The following ROR2 variants were observed in gnomAD, a reference collection of about 807,000 sequenced individuals.
The protein encoded by ROR2 is tyrosine-protein kinase transmembrane receptor ROR2.
ROR2 carries 33 observed loss-of-function variants against 74.9 expected under a neutral mutation model. The ratio of observed to expected loss-of-function variants is 0.44; its 90% CI spans 0.33 to 0.59. ROR2 has a LOEUF of 0.59. Among genes scored for constraint, ROR2 ranks in the 20% least tolerant of loss-of-function variants. The pLI is 0.02. For synonymous variants in ROR2, 586 were observed against 558.7 expected (o/e 1.05, Z -0.69); for missense variants, 1,216 against 1,313.8 (o/e 0.93, Z 1.15).
intron 1 of ROR2, among the ~76,000 whole-genome samples, chr9:91,838,694 G>A (rs1446634645): frequency 6.8e-6 from 1 of 147,530 alleles, no homozygotes; most frequent in African/African-American, 2.5e-5. Context: ...GCCGGCGCAG[G>A]AGACCCCGCT....
At chr9:91,876,183 G>A (rs1038288081) in intron 1 of ROR2, among the ~76,000 whole-genome samples, 1 of 152,120 alleles carries the variant, frequency 6.6e-6, no homozygotes, top group African/African-American at 2.4e-5. Context: ...GGCCAGCTTG[G>A]CCAACATGGT....
rs569451557 is a variant in ROR2, at chr9:91,948,831, G to C, written c.97+1036C>G. 4.2e-5 allele frequency: 41 copies of C among 985,474 alleles called. No homozygotes were observed. In the South Asian group the frequency reaches 1.7e-3, roughly 42 times the overall value. The allele number at this position is 985,474 out of a possible 1,614,324, so 61.0% of individuals were successfully genotyped here. ...GGTCTCTGGCGCTCCTGGGCCTGAA[G>C]GCCCCGCCCGCCCTCCTCCACCCCC... On this transcript the variant is annotated intron_variant, in intron 1 of 8. Transcript: ENST00000375708.
rs917129953 is a variant in ROR2, at chr9:91,914,440, G to A, written c.97+35427C>T. ...TGAAAGAAAACTCTTGACCATAAAG[G>A]AATCTTCCCTTAACAAGAGAGCTGC... On this transcript the variant is annotated intron_variant, in intron 1 of 8. Transcript: ENST00000375708. 2.6e-5 allele frequency among the ~76,000 whole-genome samples: 4 copies of A among 152,138 alleles called. No homozygotes were observed. The South Asian group carries it at 6.2e-4, about 24-fold the overall frequency.
At chr9:91,917,201 C>T (rs1587845262) in intron 1 of ROR2, among the ~76,000 whole-genome samples, 1 of 152,192 alleles carries the variant, frequency 6.6e-6, no homozygotes, top group East Asian at 1.9e-4. Context: ...TTCAAACAGA[C>T]TCTCTGTTCT....
chr9:91,728,554 C>T (rs1347609479), intron 7 of ROR2, among the ~76,000 whole-genome samples: 1 of 152,176 alleles, frequency 6.6e-6, no homozygotes, highest in Admixed American at 6.5e-5. Flanking sequence ...CCTTAGCCTC[C>T]CGACTAGCTG....
At chr9:91,937,684 C>A (rs1831738237) in intron 1 of ROR2, among the ~76,000 whole-genome samples, 1 of 152,146 alleles carries the variant, frequency 6.6e-6, no homozygotes, top group Non-Finnish European at 1.5e-5. Context: ...AAGTGATCAC[C>A]AGCACAGGAG....
intron 1 of ROR2, among the ~76,000 whole-genome samples, chr9:91,841,981 G>A (rs1429060446): frequency 6.6e-6 from 1 of 152,204 alleles, no homozygotes; most frequent in Non-Finnish European, 1.5e-5. Flanking sequence ...TCAGGGCGGG[G>A]AAGGATGTGG....
At chr9:91,941,248 C>T (rs1831857240) in intron 1 of ROR2, among the ~76,000 whole-genome samples, 1 of 152,190 alleles carries the variant, frequency 6.6e-6, no homozygotes. Context: ...CCCCCCGCCT[C>T]AGCCTCCAGA....
chr9:91,734,674 C>T (rs773978527), intron 5 of ROR2, among the ~76,000 whole-genome samples: 3 of 152,124 alleles, frequency 2.0e-5, no homozygotes, highest in African/African-American at 7.2e-5. Context: ...CATGCCTTTC[C>T]GGGCCTGTTT....
At chr9:91,741,970 C>T (rs1217857381) in intron 4 of ROR2, among the ~76,000 whole-genome samples, 1 of 152,120 alleles carries the variant, frequency 6.6e-6, no homozygotes, top group Non-Finnish European at 1.5e-5. Context: ...GAAACAAACA[C>T]AAAGATAACC....
intron 1 of ROR2, among the ~76,000 whole-genome samples, chr9:91,852,418 TC>T (rs1364440617): frequency 6.6e-6 from 1 of 152,232 alleles, no homozygotes. Flanking sequence ...GAGACCAGCT[TC>T]ATCTTTCATG....
At chr9:91,888,279 A>T (rs1424425603) in intron 1 of ROR2, among the ~76,000 whole-genome samples, 1 of 152,018 alleles carries the variant, frequency 6.6e-6, no homozygotes, top group Non-Finnish European at 1.5e-5. Flanking sequence ...TATTTTTGAG[A>T]TCCATTTATT....
intron 8 of ROR2, among the ~76,000 whole-genome samples, chr9:91,725,554 C>T (rs1417210200): frequency 6.6e-6 from 1 of 152,188 alleles, no homozygotes; most frequent in Non-Finnish European, 1.5e-5. Flanking sequence ...CTCATGGACC[C>T]CACAGAGGCT....
intron 1 of ROR2, among the ~76,000 whole-genome samples, chr9:91,833,957 C>T (rs1039214634): frequency 2.0e-5 from 3 of 152,170 alleles, no homozygotes; most frequent in African/African-American, 7.2e-5. Flanking sequence ...CAGCCTCAAG[C>T]ACCCACAGGC....
chr9:91,940,018 T>C (rs1236502652), intron 1 of ROR2, among the ~76,000 whole-genome samples: 1 of 152,136 alleles, frequency 6.6e-6, no homozygotes, highest in Admixed American at 6.5e-5. Context: ...CAAGCCCAGG[T>C]TCCTGGGCTC....
In ROR2 at chr9:91,804,945, C is replaced by A. The variant is rs141193710; in HGVS notation, c.98-29127G>T. On this transcript the variant is annotated intron_variant, in intron 1 of 8. Coordinates refer to ENST00000375708, the MANE Select transcript of ROR2 (RefSeq NM_004560.4). ...TCCTTTGTGATTTAAAAGCTAAAAC[C>A]AAAATGCTTCATAGGAATAAGGTAT... Among the ~76,000 whole-genome samples the A allele has an allele frequency of 1.1e-3, 173 of 152,304 alleles. 2 individuals carry two copies. Among genetic ancestry groups the A allele is most frequent in the African/African-American group, 4.0e-3 (167 of 41,564 alleles).
At chr9:91,802,914 T>C (rs953983585) in intron 1 of ROR2, among the ~76,000 whole-genome samples, 8 of 152,098 alleles carry the variant, frequency 5.3e-5, no homozygotes, top group African/African-American at 1.9e-4. Flanking sequence ...AGAAGACATG[T>C]ATATGGCCAC....
chr9:91,797,131 CCTGGGCTCTGTGGGTGGGGAATGACACA>C, intron 1 of ROR2, among the ~76,000 whole-genome samples: 2 of 89,250 alleles, frequency 2.2e-5, no homozygotes, highest in African/African-American at 4.6e-5. Context: ...GGGCTGACAC[CCTGGGCTCTGTGGGTGGGGAATGACACA>C]CTGGGCTTTG....
In ROR2 at chr9:91,730,943, C is replaced by T. The variant is rs1247331053; in HGVS notation, c.1150G>A (p.Val384Ile). The T allele has an allele frequency of 8.7e-6, 14 of 1,614,050 alleles. No homozygotes were observed. The highest frequency in any genetic ancestry group is 2.2e-5 in the South Asian group (2 of 91,078). ...GPWCFTQNKN[V>I]RMELCDVPSC... is the part of the protein sequence containing the mutation. ...GGTACGTCACACAGTTCCATGCGTACGTTTTTATTCTGCGTAAAGCACCAG... is the reference window on the plus strand; with the variant it reads ...GGTACGTCACACAGTTCCATGCGTATGTTTTTATTCTGCGTAAAGCACCAG... Residue 384 changes from valine (V) to isoleucine (I), a missense_variant, in exon 7 of 9, where the codon GTA (valine) becomes ATA (isoleucine). Coordinates refer to ENST00000375708, the MANE Select transcript of ROR2 (RefSeq NM_004560.4).
Sources: allele counts gnomAD v4.1 joint callset (sites outside exome capture counted in the v4.1 genomes callset), GRCh38; gene constraint gnomAD v4.1.1; transcripts MANE v1.5; gene names NCBI Gene and HGNC (gene_info 2026-07-23, HGNC 2026-07-21).